Variants in DNAH17 observed in about 807,000 individuals in gnomAD.
DNAH17 encodes the protein axonemal beta dynein heavy chain 17.
A neutral mutation model predicts 485.6 loss-of-function variants in DNAH17; 376 were observed. The ratio of observed to expected loss-of-function variants is 0.77; its 90% confidence interval spans 0.71 to 0.84. The LOEUF (loss-of-function observed/expected upper bound fraction) is 0.84. Among genes scored for constraint, DNAH17 ranks in the 40% least tolerant of loss-of-function variants. The pLI, the probability that DNAH17 is intolerant of heterozygous loss-of-function variation, is 0.00. For missense variants in DNAH17, 6,370 were observed against 5,839.3 expected (o/e 1.09, Z -2.96); for synonymous variants, 3,031 against 2,405.9 (o/e 1.26, Z -7.60).
intron 37 of DNAH17, among the ~76,000 whole-genome samples, chr17:78,496,280 G>A (rs1167264911): frequency 2.6e-5 from 4 of 152,110 alleles, no homozygotes; most frequent in Admixed American, 2.6e-4. Flanking sequence ...GGGAGGCTGA[G>A]GCTGGAGGAT....
intron 57 of DNAH17, among the ~76,000 whole-genome samples, chr17:78,462,075 G>A (rs1420165713): frequency 6.6e-6 from 1 of 152,068 alleles, no homozygotes; most frequent in Non-Finnish European, 1.5e-5. Flanking sequence ...GGGAGGCTGA[G>A]GTGGGAGGAT....
chr17:78,451,776 C>T (rs922415920), intron 65 of DNAH17, 103 bp from the exon 66 acceptor site: 1 of 953,288 alleles, frequency 1.0e-6, no homozygotes, highest in Non-Finnish European at 1.6e-6. Context: ...CAGGCCGCCA[C>T]CTTGAACCCT....
intron 12 of DNAH17, 55 bp downstream of exon 12, chr17:78,561,660 G>C (rs886654679): frequency 2.8e-5 from 43 of 1,528,830 alleles, no homozygotes; most frequent in South Asian, 9.0e-5. Flanking sequence ...AGTCCCTCTC[G>C]CTCTCCCGCA....
intron 75 of DNAH17, among the ~76,000 whole-genome samples, chr17:78,431,448 A>ACCCT (rs2086668820): frequency 7.3e-6 from 1 of 137,486 alleles, no homozygotes; most frequent in African/African-American, 2.8e-5. Context: ...TGCTGAGGGA[A>ACCCT]CCCCCCACCC....
intron 20 of DNAH17, 43 bp downstream of exon 20, chr17:78,532,439 G>C (rs1331907494): frequency 1.9e-6 from 3 of 1,564,400 alleles, no homozygotes; most frequent in Admixed American, 1.9e-5. Context: ...TCTCCTGGAA[G>C]ACTCTGGAGA....
intron 25 of DNAH17, among the ~76,000 whole-genome samples, chr17:78,521,655 G>A (rs1398038973): frequency 6.6e-6 from 1 of 152,058 alleles, no homozygotes; most frequent in Non-Finnish European, 1.5e-5. Context: ...TTGATAAAAT[G>A]GATTATACCC....
intron 65 of DNAH17, among the ~76,000 whole-genome samples, chr17:78,452,852 G>T (rs1232423927): frequency 6.6e-6 from 1 of 152,228 alleles, no homozygotes; most frequent in Admixed American, 6.5e-5. Flanking sequence ...ACAGAGAGCA[G>T]AGTAGTGGAT....
intron 20 of DNAH17, among the ~76,000 whole-genome samples, chr17:78,531,395 G>A (rs1029174966): frequency 7.0e-6 from 1 of 143,048 alleles, no homozygotes; most frequent in Admixed American, 7.3e-5. Flanking sequence ...CTGGAGTGCA[G>A]TGGCGTGATC....
chr17:78,454,069 T>G (rs16971417), intron 64 of DNAH17, among the ~76,000 whole-genome samples: 1 of 151,992 alleles, frequency 6.6e-6, no homozygotes, highest in South Asian at 2.1e-4. Context: ...CCACCCGCCA[T>G]TGGATTTTCC....
At chr17:78,571,059 A>C in intron 5 of DNAH17, 26 bp from the exon 6 acceptor site, 1 of 1,552,780 alleles carries the variant, frequency 6.4e-7, no homozygotes, top group Non-Finnish European at 8.7e-7. Flanking sequence ...ACAAGTGCCC[A>C]CCGGTAAGAG....
intron 3 of DNAH17, 99 bp from the exon 4 acceptor site, chr17:78,571,881 C>T: frequency 1.7e-6 from 2 of 1,182,608 alleles, no homozygotes; most frequent in African/African-American, 3.1e-5. Context: ...TCCCAAACCA[C>T]CAGCAGCAGC....
intron 42 of DNAH17, among the ~76,000 whole-genome samples, chr17:78,491,902 C>G (rs1035486926): frequency 6.6e-6 from 1 of 152,242 alleles, no homozygotes; most frequent in Non-Finnish European, 1.5e-5. Flanking sequence ...CTCTGTCCAT[C>G]TGTCCACTCA....
rs4597380 is a variant in DNAH17 at position 78,529,782 on chromosome 17, G to A, written c.3285-88C>T. On this transcript the variant is annotated intron_variant, in intron 21 of 80. Coordinates refer to ENST00000389840, the MANE Select transcript of DNAH17 (RefSeq NM_173628.4). ...GGAGCCCCATGAGAGGGGGACGACCGCGGTGAGGTCAACTGGCCATCACTG... is the reference window on the plus strand; with the variant it reads ...GGAGCCCCATGAGAGGGGGACGACCACGGTGAGGTCAACTGGCCATCACTG... 0.33 allele frequency: 444,772 copies of A among 1,355,158 alleles called. 74,764 individuals carry two copies. Among genetic ancestry groups the A allele is most frequent in the East Asian group, 0.45 (18,519 of 41,426 alleles). 83.9% of individuals were successfully genotyped at this position (1,355,158 alleles called of 1,614,324 possible).
chr17:78,431,463 A>C (rs1466452897), intron 75 of DNAH17, among the ~76,000 whole-genome samples: 3 of 129,510 alleles, frequency 2.3e-5, no homozygotes, highest in Admixed American at 7.5e-5. Flanking sequence ...CCACCCCGAG[A>C]CTCCTGGGGG....
intron 75 of DNAH17, among the ~76,000 whole-genome samples, chr17:78,432,912 C>CACCCCG (rs1049682870): frequency 7.7e-6 from 1 of 129,864 alleles, no homozygotes; most frequent in African/African-American, 3.1e-5. Context: ...GCCCCCCCCC[C>CACCCCG]CCGACCCCGG....
At chr17:78,458,939 G>T in intron 61 of DNAH17, 62 bp downstream of exon 61, 1 of 1,550,668 alleles carries the variant, frequency 6.4e-7, no homozygotes, top group South Asian at 1.1e-5. Context: ...CAGAGGTATT[G>T]ACTGGCAGCG....
intron 43 of DNAH17, among the ~76,000 whole-genome samples, chr17:78,491,097 A>ACC (rs2089832449): frequency 6.6e-6 from 1 of 150,960 alleles, no homozygotes; most frequent in Non-Finnish European, 1.5e-5. Flanking sequence ...TCAAACCATC[A>ACC]CCCCTCCCCA....
intron 52 of DNAH17, 90 bp from the exon 53 acceptor site, chr17:78,475,923 G>T (rs976894187): frequency 2.8e-6 from 4 of 1,421,778 alleles, no homozygotes; most frequent in Admixed American, 4.6e-5. Context: ...TTGCCAAGGT[G>T]GCCTAGGAGG....
At chr17:78,478,244 T>TCACCACCATCACCATTATCAC (rs2089172497) in intron 51 of DNAH17, among the ~76,000 whole-genome samples, 1 of 130,294 alleles carries the variant, frequency 7.7e-6, no homozygotes, top group Admixed American at 7.5e-5. Context: ...ACCACCATCA[T>TCACCACCATCACCATTATCAC]CACCACCATC....
Sources: gnomAD v4.1 joint callset for allele counts (sites outside exome capture counted in the v4.1 genomes callset) on GRCh38, gnomAD v4.1.1 for gene constraint, MANE v1.5 for transcripts, NCBI Gene and HGNC (gene_info 2026-07-23, HGNC 2026-07-21) for gene names.